Variants in SATL1 observed in about 807,000 individuals in gnomAD.
The protein encoded by SATL1 is spermidine/spermine N1-acetyl transferase like 1.
Under a neutral mutation model 51.8 loss-of-function variants are expected in SATL1, and 47 were observed. The observed-to-expected ratio is 0.91, with a 90% CI of 0.72 to 1.16. The LOEUF (loss-of-function observed/expected upper bound fraction) is 1.16. Among genes scored for constraint, SATL1 ranks in the 50% most tolerant of loss-of-function variants. SATL1 has a pLI of 0.00. For missense variants in SATL1, 520 were observed against 526.4 expected (o/e 0.99, Z 0.12); for synonymous variants, 176 against 182.4 (o/e 0.97, Z 0.28).
intron 2 of SATL1, among the ~76,000 whole-genome samples, chrX:85,198,732 C>T (rs1927628165): frequency 9.0e-6 from 1 of 110,993 alleles, no homozygotes; most frequent in Non-Finnish European, 1.9e-5. Context: ...AAGCATGTAT[C>T]CTTTGTATTA....
At position 85,108,616 on chromosome X, in the gene SATL1, C is replaced by T; in HGVS notation, c.353G>A (p.Gly118Asp). The T allele has an allele frequency of 8.3e-7, 1 of 1,203,034 alleles. No individual in the cohort carries two copies. The highest frequency in any genetic ancestry group is 1.1e-6 in the Non-Finnish European group (1 of 891,044). The change falls in exon 3 of 8, where the codon GGC (glycine) becomes GAC (aspartate). Residue 118 changes from glycine to aspartate, a missense_variant. Transcript: ENST00000644105. The stretch of plus-strand genomic sequence containing the variant: ...TTGCCTCATGCGTGATTGGCTGGGG[C>T]CTGATTGGCTTGGGCCTGGTTGCGA... The part of the protein sequence containing the change: ...DPSQPGPSQS[G>D]PSQSRMRQIG...
At chrX:85,223,751 T>C (rs1928220340) in intron 2 of SATL1, among the ~76,000 whole-genome samples, 1 of 111,647 alleles carries the variant, frequency 9.0e-6, no homozygotes, top group South Asian at 3.8e-4. Flanking sequence ...AGCCTGGTAC[T>C]GTGCCAAACT....
At chrX:85,136,677 T>G (rs1040462549) in intron 2 of SATL1, among the ~76,000 whole-genome samples, 3 of 111,863 alleles carry the variant, frequency 2.7e-5, no homozygotes, top group Non-Finnish European at 5.6e-5. Context: ...GGGAATGGAA[T>G]AAAAATGCAG....
chrX:85,234,815 C>T (rs776726556), intron 1 of SATL1, among the ~76,000 whole-genome samples: 26 of 111,031 alleles, frequency 2.3e-4, no homozygotes, highest in African/African-American at 8.5e-4. Context: ...GACCACAAAA[C>T]AACCAGAAAA....
intron 2 of SATL1, chrX:85,156,336 A>C (rs771494044): frequency 9.0e-6 from 1 of 111,576 alleles, no homozygotes; most frequent in Non-Finnish European, 1.9e-5. Flanking sequence ...AGAGGCGTTC[A>C]TCAGGACTCC....
At chrX:85,149,921 G>A (rs750172410) in intron 2 of SATL1, among the ~76,000 whole-genome samples, 317 of 110,532 alleles carry the variant, frequency 2.9e-3, no homozygotes, top group Middle Eastern at 9.2e-3. Flanking sequence ...AAGCAAGAGC[G>A]AACACATTCA....
chrX:85,129,176 C>A (rs781611404), intron 2 of SATL1, among the ~76,000 whole-genome samples: 10 of 111,833 alleles, frequency 8.9e-5, no homozygotes, highest in Non-Finnish European at 1.5e-4. Context: ...TTTTCCAATT[C>A]TGTGAAGAAA....
At chrX:85,182,003 CA>C (rs1927215711) in intron 2 of SATL1, among the ~76,000 whole-genome samples, 1 of 111,251 alleles carries the variant, frequency 9.0e-6, no homozygotes, top group Non-Finnish European at 1.9e-5. Flanking sequence ...TTATGGAGTA[CA>C]CAGTGATATT....
intron 6 of SATL1, among the ~76,000 whole-genome samples, chrX:85,093,619 A>G (rs1924596258): frequency 8.9e-6 from 1 of 112,641 alleles, no homozygotes; most frequent in African/African-American, 3.2e-5. Flanking sequence ...CTGTAATCCC[A>G]GCACTTTGGG....
intron 2 of SATL1, among the ~76,000 whole-genome samples, chrX:85,188,818 G>C (rs1927372646): frequency 8.9e-6 from 1 of 111,857 alleles, no homozygotes. Flanking sequence ...CCTTGTGAAT[G>C]CTCAATTAAT....
chrX:85,163,865 C>T (rs1000377310), intron 2 of SATL1, among the ~76,000 whole-genome samples: 2 of 111,702 alleles, frequency 1.8e-5, no homozygotes, highest in African/African-American at 3.3e-5. Flanking sequence ...GTATTGAAGT[C>T]CCCCACTATT....
chrX:85,211,375 C>T (rs1175427803), intron 2 of SATL1: 3 of 110,855 alleles, frequency 2.7e-5, no homozygotes, highest in African/African-American at 9.8e-5. Flanking sequence ...CTTCAATGCC[C>T]ATATTCTTGC....
At chrX:85,146,524 G>A (rs1166286699) in intron 2 of SATL1, among the ~76,000 whole-genome samples, 9 of 111,919 alleles carry the variant, frequency 8.0e-5, no homozygotes, top group Non-Finnish European at 1.7e-4. Flanking sequence ...AGGTATGTAT[G>A]TATAGGAAAA....
intron 2 of SATL1, among the ~76,000 whole-genome samples, chrX:85,176,616 T>C (rs1304314622): frequency 9.0e-6 from 1 of 111,552 alleles, no homozygotes; most frequent in Non-Finnish European, 1.9e-5. Flanking sequence ...GTGTGTATAA[T>C]ATGTTTGCTT....
chrX:85,185,358 C>T (rs1033562282), intron 2 of SATL1, among the ~76,000 whole-genome samples: 15 of 112,681 alleles, frequency 1.3e-4, no homozygotes, highest in African/African-American at 4.2e-4. Context: ...CAGGTACCTA[C>T]GGCTCTACAA....
chrX:85,151,455 C>G (rs1253107975), intron 2 of SATL1, among the ~76,000 whole-genome samples: 149 of 111,056 alleles, frequency 1.3e-3, no homozygotes, highest in African/African-American at 4.8e-3. Context: ...TCACCGAATT[C>G]AAAAAAACTA....
intron 2 of SATL1, among the ~76,000 whole-genome samples, chrX:85,152,853 A>T (rs1439402523): frequency 9.0e-6 from 1 of 110,757 alleles, no homozygotes; most frequent in African/African-American, 3.3e-5. Flanking sequence ...GCATTAGGAG[A>T]TATAGCTAAT....
At chrX:85,095,045 G>T in intron 4 of SATL1, 49 bp from the exon 5 acceptor site, 1 of 697,143 alleles carries the variant, frequency 1.4e-6, no homozygotes, top group Non-Finnish European at 2.3e-6. Flanking sequence ...ATAGCAGAGA[G>T]AAGGAGATGG....
intron 2 of SATL1, among the ~76,000 whole-genome samples, chrX:85,116,554 A>G (rs766305755): frequency 3.0e-4 from 33 of 111,716 alleles, no homozygotes; most frequent in African/African-American, 1.1e-3. Context: ...TTCTTCCCTT[A>G]CCAGCCAAAT....
Sources: gnomAD v4.1 joint callset for allele counts (sites outside exome capture counted in the v4.1 genomes callset) on GRCh38, gnomAD v4.1.1 for gene constraint, MANE v1.5 for transcripts, NCBI Gene and HGNC (gene_info 2026-07-23, HGNC 2026-07-21) for gene names.